The following DAPK1 variants were observed in gnomAD, a reference collection of about 807,000 sequenced individuals.
The protein encoded by DAPK1 is death-associated protein kinase 1.
Under a neutral mutation model 144.9 loss-of-function variants are expected in DAPK1, and 56 were observed. The ratio of observed to expected loss-of-function variants is 0.39; its 90% CI spans 0.31 to 0.48. The LOEUF (loss-of-function observed/expected upper bound fraction) is 0.48, where lower values mean the gene tolerates loss of function less well. Among genes scored for constraint, DAPK1 ranks in the 20% least tolerant of loss-of-function variants. The pLI, the probability that DAPK1 is intolerant of heterozygous loss-of-function variation, is 0.95. For synonymous variants in DAPK1, 690 were observed against 749.0 expected (o/e 0.92, Z 1.29); for missense variants, 1,454 against 1,875.4 (o/e 0.78, Z 4.15).
chr9:87,700,475 G>C (rs146737555), intron 24 of DAPK1, among the ~76,000 whole-genome samples: 11 of 152,162 alleles, frequency 7.2e-5, no homozygotes, highest in African/African-American at 2.6e-4. Context: ...CCGATTTATT[G>C]GTTTCTTTAA....
chr9:87,517,144 T>C lies in DAPK1; in HGVS notation c.62+18005T>C, dbSNP rs556731295. On this transcript the variant is annotated intron_variant, in intron 2 of 25. Transcript: ENST00000408954. ...TGTGTAGGAGAGTGAAGAATGCGAT[T>C]GGGGGCAGGGGAGGACAGACAGATG... Among the ~76,000 whole-genome samples, 3 of 151,854 alleles carry C rather than the reference T, an allele frequency of 2.0e-5. No individual in the cohort carries two copies. In the East Asian group the frequency reaches 5.8e-4, roughly 30 times the overall value.
chr9:87,575,951 AC>A (rs1444774443), intron 2 of DAPK1, among the ~76,000 whole-genome samples: 1 of 152,202 alleles, frequency 6.6e-6, no homozygotes, highest in Non-Finnish European at 1.5e-5. Context: ...CCCACGACAG[AC>A]CCAGCTATGC....
intron 2 of DAPK1, among the ~76,000 whole-genome samples, chr9:87,550,961 G>T (rs1317299786): frequency 6.6e-6 from 1 of 152,186 alleles, no homozygotes; most frequent in East Asian, 1.9e-4. Context: ...CGGGGAGGGG[G>T]CTAACCTGGG....
In DAPK1 at chr9:87,604,883, C is replaced by T. The variant is rs966284775; in HGVS notation, c.63-71C>T. Reference sequence around the variant, plus strand: ...CACAGTTCTCTTGTCCCCCTCTGCACCATGCCACATCCTCACTCAAATCCT... The same window carrying T: ...CACAGTTCTCTTGTCCCCCTCTGCATCATGCCACATCCTCACTCAAATCCT... On this transcript the variant is annotated intron_variant, in intron 2 of 25. Transcript: ENST00000408954. The T allele has an allele frequency of 3.1e-5, 44 of 1,429,168 alleles. No homozygotes were observed. The East Asian group carries it at 1.0e-3, about 33-fold the overall frequency. The allele number at this position is 1,429,168 out of a possible 1,614,324, so 88.5% of individuals were successfully genotyped here.
chr9:87,519,363 G>A (rs983974023), intron 2 of DAPK1, among the ~76,000 whole-genome samples: 1 of 152,236 alleles, frequency 6.6e-6, no homozygotes, highest in Non-Finnish European at 1.5e-5. Flanking sequence ...TGGAGGGTTG[G>A]TGTTTACCAG....
At position 87,596,239 on chromosome 9, in the gene DAPK1, C is replaced by T. The variant is rs1038312434; in HGVS notation, c.63-8715C>T. On this transcript the variant is annotated intron_variant, in intron 2 of 25. Transcript: ENST00000408954. Reference sequence around the variant, plus strand: ...GCAGGGAGAGTGTTTCCTCTTCACACGCATTCTGCTAAAGGTGAAGTCAGT... The same window carrying T: ...GCAGGGAGAGTGTTTCCTCTTCACATGCATTCTGCTAAAGGTGAAGTCAGT... Among the ~76,000 whole-genome samples, 39 of 152,272 alleles carry T rather than the reference C, an allele frequency of 2.6e-4. 1 individual carries two copies. Among genetic ancestry groups the T allele is most frequent in the African/African-American group, 8.9e-4 (37 of 41,554 alleles).
intron 2 of DAPK1, among the ~76,000 whole-genome samples, chr9:87,536,162 C>G (rs1423892242): frequency 6.6e-6 from 1 of 152,184 alleles, no homozygotes; most frequent in Admixed American, 6.5e-5. Flanking sequence ...GTCCTCAAAG[C>G]AGCCCCTTCC....
rs1825510769 is a variant in DAPK1, at chr9:87,703,035, C to G, written c.2878C>G (p.Pro960Ala). ...EIRSQIVSVCPPMTHLCEKII... is the reference protein window; with the variant it reads ...EIRSQIVSVCAPMTHLCEKII... ...CTGGCCCTGCCCCCTCTAGGTCTGT[C>G]CTCCCATGACTCACCTGTGTGAGAA... The change falls in exon 25 of 26, where the codon CCT (proline) becomes GCT (alanine). Residue 960 changes from proline (P) to alanine (A), a missense_variant. This residue lies in a region of DAPK1 where 1,025 missense variants were observed against 1,237.9 expected (regional missense o/e 0.83). Transcript: ENST00000408954. The G allele has an allele frequency of 1.3e-6, 2 of 1,563,896 alleles. No individual in the cohort carries two copies. Among genetic ancestry groups the G allele is most frequent in the African/African-American group, 1.4e-5 (1 of 74,016 alleles).
At position 87,668,590 on chromosome 9, in the gene DAPK1, C is replaced by T; in HGVS notation, c.1924-7C>T. 7.6e-7 allele frequency: 1 copy of T among 1,312,402 alleles called. No homozygotes were observed. The highest frequency in any genetic ancestry group is 1.1e-6 in the Non-Finnish European group (1 of 904,000). 81.3% of individuals were successfully genotyped at this position (1,312,402 alleles called of 1,614,324 possible). On this transcript the variant is annotated splice_region_variant and splice_polypyrimidine_tract_variant and intron_variant, in intron 18 of 25. Transcript: ENST00000408954. ...AGAAAAGAAACTAATGCATTTTTCT[C>T]CAACAGGACGGAAAGACGGCAGAAG... is the stretch of plus-strand genomic sequence containing the variant.
At chr9:87,623,616 G>A (rs1315841714) in intron 3 of DAPK1, among the ~76,000 whole-genome samples, 2 of 152,192 alleles carry the variant, frequency 1.3e-5, no homozygotes, top group African/African-American at 4.8e-5. Flanking sequence ...GGGACCGGGT[G>A]CAGTGGTGAC....
intron 2 of DAPK1, among the ~76,000 whole-genome samples, chr9:87,519,784 A>C (rs555543826): frequency 1.3e-5 from 2 of 152,132 alleles, no homozygotes; most frequent in East Asian, 3.9e-4. Context: ...CGAAAGTGGC[A>C]TTGTTTCTGC....
Position 87,640,313 on chromosome 9 carries a change from C to T in DAPK1, c.645C>T (p.Ser215=), listed in dbSNP as rs778979582. The change falls in exon 8 of 26, where the codon TCC becomes TCT. Residue 215 remains serine, a synonymous_variant. Transcript: ENST00000408954. The part of the protein sequence containing the change: ...VITYILLSGA[S]PFLGDTKQET... The stretch of plus-strand genomic sequence containing the variant: ...TTTTTAACAGCCTAAGTGGGGCCTC[C>T]CCATTTCTTGGAGACACTAAGCAAG... 1.2e-6 allele frequency: 2 copies of T among 1,613,846 alleles called. No homozygotes were observed. Among genetic ancestry groups the T allele is most frequent in the South Asian group, 1.1e-5 (1 of 91,006 alleles).
intron 2 of DAPK1, among the ~76,000 whole-genome samples, chr9:87,511,073 C>G (rs1824821733): frequency 6.6e-6 from 1 of 152,186 alleles, no homozygotes; most frequent in Non-Finnish European, 1.5e-5. Flanking sequence ...TGGCCTCCCA[C>G]AGGCAGAGTG....
Position 87,650,151 on chromosome 9 carries a change from G to A in DAPK1, c.1626+33G>A, listed in dbSNP as rs775580489. 10 of 1,610,476 alleles carry A rather than the reference G, an allele frequency of 6.2e-6. No homozygotes were observed. In the African/African-American group the frequency reaches 9.4e-5, roughly 15 times the overall value. On this transcript the variant is annotated intron_variant, in intron 16 of 25. Transcript: ENST00000408954. Reference sequence around the variant, plus strand: ...ATGGGGGAAGACTCATATGCACTGGGAAGTGATCTAGGGGTCTAGAGGGAC... The same window carrying A: ...ATGGGGGAAGACTCATATGCACTGGAAAGTGATCTAGGGGTCTAGAGGGAC...
rs780465083 is a variant in DAPK1 at position 87,571,473 on chromosome 9, A to ACCCC, written c.63-33479_63-33478insCCCC. On this transcript the variant is annotated intron_variant, in intron 2 of 25. Transcript: ENST00000408954. ...CACACACACACACACACACACACACACCAACACACACACACACACACCCCA... is the reference window on the plus strand; with the variant it reads ...CACACACACACACACACACACACACACCCCCCAACACACACACACACACACCCCA... 1.7e-3 allele frequency among the ~76,000 whole-genome samples: 100 copies of ACCCC among 57,630 alleles called. 2 individuals carry two copies. Among genetic ancestry groups the ACCCC allele is most frequent in the South Asian group, 5.3e-3 (6 of 1,142 alleles). The allele number at this position is 57,630 out of a possible 152,430, so 37.8% of individuals were successfully genotyped here.
intron 17 of DAPK1, among the ~76,000 whole-genome samples, chr9:87,654,828 A>T (rs1830578097): frequency 6.6e-6 from 1 of 152,148 alleles, no homozygotes; most frequent in Non-Finnish European, 1.5e-5. Context: ...TGAGCATCTC[A>T]TGGTGCTTTG....
chr9:87,571,480 C>CCCCCCA (rs1403000417), intron 2 of DAPK1, among the ~76,000 whole-genome samples: 1 of 61,000 alleles, frequency 1.6e-5, no homozygotes, highest in African/African-American at 6.9e-5. Flanking sequence ...CACACCAACA[C>CCCCCCA]ACACACACAC....
At chr9:87,668,800 C>T (rs1344820646) in intron 19 of DAPK1, 126 bp downstream of exon 19, 1 of 723,334 alleles carries the variant, frequency 1.4e-6, no homozygotes, top group African/African-American at 1.7e-5. Flanking sequence ...GAACAGTGGT[C>T]CCTGTCCTGT....
intron 24 of DAPK1, chr9:87,701,905 A>G (rs1259127154): frequency 1.9e-5 from 9 of 469,684 alleles, no homozygotes; most frequent in African/African-American, 4.0e-5. Context: ...GATAGGGGGT[A>G]GTCCGGTGAG....
Sources: allele counts gnomAD v4.1 joint callset (sites outside exome capture counted in the v4.1 genomes callset), GRCh38; gene constraint gnomAD v4.1.1; regional missense constraint gnomAD v4.1.1; transcripts MANE v1.5; gene names NCBI Gene and HGNC (gene_info 2026-07-23, HGNC 2026-07-21).